N4BP2: variants seen among roughly 807,000 people sequenced by gnomAD.
The protein encoded by N4BP2 is NEDD4 binding protein 2.
Under a neutral mutation model 152.8 loss-of-function variants are expected in N4BP2, and 91 were observed. That is an observed-to-expected ratio of 0.60 (90% confidence interval 0.50 to 0.71). The LOEUF is 0.71. N4BP2 is among the 30% of genes least tolerant of loss of function. N4BP2 has a pLI of 0.00. For synonymous variants in N4BP2, 646 were observed against 705.3 expected (o/e 0.92, Z 1.33); for missense variants, 1,923 against 2,059.1 (o/e 0.93, Z 1.28).
At chr4:40,081,776 G>A (rs1418473756) in intron 2 of N4BP2, among the ~76,000 whole-genome samples, 2 of 152,154 alleles carry the variant, frequency 1.3e-5, no homozygotes. Context: ...AGGAGTTTGA[G>A]ACCAGCCTGG....
the N4BP2 span, among the ~76,000 whole-genome samples, chr4:40,180,501 TA>T: frequency 4.7e-5 from 7 of 149,580 alleles, no homozygotes; most frequent in East Asian, 2.0e-4. Context: ...TCTACTACAA[TA>T]AAAAAAAAAT....
chr4:40,069,219 C>G (rs1371523285), intron 1 of N4BP2, among the ~76,000 whole-genome samples: 2 of 152,060 alleles, frequency 1.3e-5, no homozygotes, highest in African/African-American at 4.8e-5. Context: ...GGGCACATCA[C>G]TTGAGGTCAG....
chr4:40,142,298 T>C (rs894623186), intron 14 of N4BP2: 5 of 326,214 alleles, frequency 1.5e-5, no homozygotes, highest in African/African-American at 8.8e-5. Flanking sequence ...ATGGCCCTCC[T>C]CTCTCTGGCG....
chr4:40,132,419 G>A (rs949226763), intron 13 of N4BP2, among the ~76,000 whole-genome samples: 1 of 151,874 alleles, frequency 6.6e-6, no homozygotes, highest in Non-Finnish European at 1.5e-5. Context: ...TATGTATGTG[G>A]TATGAGGTAG....
At chr4:40,135,795 G>A (rs532181813) in intron 13 of N4BP2, among the ~76,000 whole-genome samples, 2 of 152,300 alleles carry the variant, frequency 1.3e-5, no homozygotes, top group African/African-American at 4.8e-5. Context: ...TTGAACTCCT[G>A]ACCTCAGGTG....
downstream of N4BP2, among the ~76,000 whole-genome samples, chr4:40,161,608 T>TA (rs1341082606): frequency 6.6e-6 from 1 of 152,110 alleles, no homozygotes; most frequent in Non-Finnish European, 1.5e-5. Context: ...TCTCTATTTT[T>TA]AAAAAAGAGA....
At chr4:40,071,140 T>C (rs1712131962) in intron 1 of N4BP2, among the ~76,000 whole-genome samples, 1 of 152,166 alleles carries the variant, frequency 6.6e-6, no homozygotes. Context: ...CTGTCTCTTC[T>C]ACCCATCCAC....
intron 12 of N4BP2, among the ~76,000 whole-genome samples, chr4:40,129,704 C>T (rs1045903140): frequency 2.0e-5 from 3 of 152,020 alleles, no homozygotes; most frequent in Non-Finnish European, 2.9e-5. Flanking sequence ...CTCCTGGCTT[C>T]AAGCAGTCCT....
intron 2 of N4BP2, among the ~76,000 whole-genome samples, chr4:40,089,394 C>A (rs991942720): frequency 2.7e-5 from 4 of 148,288 alleles, no homozygotes; most frequent in African/African-American, 9.9e-5. Context: ...TTTCATCAAA[C>A]AAAAGTTTTG....
rs931563875 is a variant in N4BP2, at chr4:40,113,449, T to C, written c.1605T>C (p.Tyr535=). The C allele has an allele frequency of 6.2e-7, 1 of 1,612,544 alleles. No individual in the cohort carries two copies. Among genetic ancestry groups the C allele is most frequent in the Non-Finnish European group, 8.5e-7 (1 of 1,178,906 alleles). The stretch of plus-strand genomic sequence containing the variant: ...GTATGTAGTCTCAGAAACACAAATA[T>C]AAAGTCCTTTTTCGGGAACCAGACA... ...PYVALSQKHK[Y]KVLFREPDTW... is the part of the protein sequence containing the mutation. Residue 535 remains tyrosine (Y), a synonymous_variant, in exon 7 of 18, where the codon TAT becomes TAC. Coordinates refer to ENST00000261435, the MANE Select transcript of N4BP2 (RefSeq NM_018177.6).
intron 5 of N4BP2, among the ~76,000 whole-genome samples, chr4:40,110,933 A>T (rs1716818225): frequency 6.6e-6 from 1 of 152,198 alleles, no homozygotes; most frequent in Admixed American, 6.5e-5. Flanking sequence ...AATTACTTGT[A>T]AGACTTACTT....
intron 1 of N4BP2, among the ~76,000 whole-genome samples, chr4:40,072,990 G>A (rs1712360768): frequency 6.6e-6 from 1 of 151,936 alleles, no homozygotes; most frequent in African/African-American, 2.4e-5. Context: ...CAAAGTGTTG[G>A]GATTACAGGT....
At chr4:40,132,377 T>A (rs1210422560) in intron 13 of N4BP2, among the ~76,000 whole-genome samples, 2 of 152,096 alleles carry the variant, frequency 1.3e-5, no homozygotes, top group Non-Finnish European at 2.9e-5. Context: ...ATTATAAAAA[T>A]TTTTCTTTAT....
intron 14 of N4BP2, among the ~76,000 whole-genome samples, chr4:40,141,306 C>T (rs1269201652): frequency 4.1e-4 from 62 of 151,818 alleles, no homozygotes; most frequent in Middle Eastern, 3.4e-3. Flanking sequence ...GGCTGCCGGG[C>T]GGTGACGCTC....
At chr4:40,147,517 A>T (rs1720671512) in intron 16 of N4BP2, among the ~76,000 whole-genome samples, 1 of 145,842 alleles carries the variant, frequency 6.9e-6, no homozygotes, top group Non-Finnish European at 1.5e-5. Context: ...CACCTCCCGG[A>T]CGGGGCGGCT....
chr4:40,113,066 A>G (rs1579056149), intron 6 of N4BP2, among the ~76,000 whole-genome samples: 1 of 152,206 alleles, frequency 6.6e-6, no homozygotes, highest in East Asian at 1.9e-4. Context: ...TAGCACATGT[A>G]GAATTTAAAT....
intron 2 of N4BP2, among the ~76,000 whole-genome samples, chr4:40,096,923 A>G (rs1226000381): frequency 1.3e-5 from 2 of 152,210 alleles, no homozygotes; most frequent in African/African-American, 2.4e-5. Context: ...CCTATTGGAC[A>G]TCTGAGTATA....
chr4:40,078,738 GGCTGGT>G (rs1713043112), intron 2 of N4BP2, among the ~76,000 whole-genome samples: 1 of 151,358 alleles, frequency 6.6e-6, no homozygotes, highest in Non-Finnish European at 1.5e-5. Context: ...ATGTTTCCCT[GGCTGGT>G]CTTAGACTCC....
intron 12 of N4BP2, among the ~76,000 whole-genome samples, chr4:40,130,286 T>C (rs1305679432): frequency 6.6e-6 from 1 of 152,038 alleles, no homozygotes; most frequent in African/African-American, 2.4e-5. Context: ...CACCTTGGCC[T>C]TCCAAAGTGC....
Sources: gnomAD v4.1 joint callset for allele counts (sites outside exome capture counted in the v4.1 genomes callset) on GRCh38, gnomAD v4.1.1 for gene constraint, MANE v1.5 for transcripts, NCBI Gene and HGNC (gene_info 2026-07-23, HGNC 2026-07-21) for gene names.